DGKB: variants seen among roughly 807,000 people sequenced by gnomAD.
DGKB encodes the protein diacylglycerol kinase beta.
Under a neutral mutation model 114.3 loss-of-function variants are expected in DGKB, and 67 were observed. That is an observed-to-expected ratio of 0.59 (90% CI 0.48 to 0.72). The LOEUF is 0.72. DGKB is among the 30% of genes least tolerant of loss of function. The probability of loss-of-function intolerance (pLI) is 0.00; values close to 1 mark genes in which losing one functional copy is unlikely to be tolerated. For synonymous variants in DGKB, 398 were observed against 323.1 expected, an observed-to-expected ratio of 1.23 and a Z score of -2.49; for missense variants, 907 against 975.2, an observed-to-expected ratio of 0.93 and a Z score of 0.93.
intron 21 of DGKB, among the ~76,000 whole-genome samples, chr7:14,389,034 C>T (rs889439204): frequency 5.3e-5 from 8 of 151,980 alleles, no homozygotes; most frequent in African/African-American, 1.7e-4. Flanking sequence ...CCAGCTTGAA[C>T]AATAAATTAC....
At chr7:14,480,235 A>C (rs774405868) in intron 20 of DGKB, among the ~76,000 whole-genome samples, 15 of 152,088 alleles carry the variant, frequency 9.9e-5, no homozygotes, top group Non-Finnish European at 1.8e-4. Context: ...ACATAGCCAA[A>C]GATAGAACTA....
At chr7:14,611,998 A>G (rs1052192728) in intron 16 of DGKB, among the ~76,000 whole-genome samples, 1 of 151,714 alleles carries the variant, frequency 6.6e-6, no homozygotes, top group Non-Finnish European at 1.5e-5. Context: ...TAATTTCAGC[A>G]TTATTATTTA....
At chr7:14,575,183 C>A (rs1477567017) in intron 19 of DGKB, among the ~76,000 whole-genome samples, 3 of 152,120 alleles carry the variant, frequency 2.0e-5, no homozygotes, top group Non-Finnish European at 4.4e-5. Flanking sequence ...CTGGAAAGCA[C>A]CCTTTCAAAA....
At chr7:14,635,433 T>G (rs1287571053) in intron 13 of DGKB, among the ~76,000 whole-genome samples, 1 of 151,064 alleles carries the variant, frequency 6.6e-6, no homozygotes, top group Non-Finnish European at 1.5e-5. Flanking sequence ...CAGAGGAAGC[T>G]CTTAGAAGAA....
chr7:14,377,969 G>T (rs1395265435), intron 21 of DGKB, among the ~76,000 whole-genome samples: 3 of 152,108 alleles, frequency 2.0e-5, no homozygotes, highest in African/African-American at 2.4e-5. Context: ...AATCCACAAA[G>T]GATTTTTCCT....
chr7:14,215,636 T>A (rs963859668), intron 23 of DGKB, among the ~76,000 whole-genome samples: 2 of 152,140 alleles, frequency 1.3e-5, no homozygotes, highest in Admixed American at 6.6e-5. Context: ...ATTTTGCCGA[T>A]GAGGAAACCG....
intron 2 of DGKB, among the ~76,000 whole-genome samples, chr7:14,840,540 C>T (rs1847780999): frequency 6.6e-6 from 1 of 152,098 alleles, no homozygotes; most frequent in African/African-American, 2.4e-5. Flanking sequence ...CTTTTTAAAA[C>T]TTACAGTGAA....
chr7:14,279,852 C>T (rs1018702188), intron 23 of DGKB, among the ~76,000 whole-genome samples: 4 of 148,924 alleles, frequency 2.7e-5, no homozygotes, highest in East Asian at 4.1e-4. Context: ...AACAAAAACC[C>T]ATCTGTACAT....
At chr7:14,630,202 T>C in intron 14 of DGKB, 34 bp downstream of exon 14, 1 of 1,490,616 alleles carries the variant, frequency 6.7e-7, no homozygotes, top group Non-Finnish European at 9.0e-7. Flanking sequence ...TGACCTATAA[T>C]TTTAAGTGTG....
intron 21 of DGKB, among the ~76,000 whole-genome samples, chr7:14,393,008 T>TTTTTTTTTTTTTTTTTTTTTTTTTGTTGG (rs71033995): frequency 7.4e-6 from 1 of 134,840 alleles, no homozygotes. Flanking sequence ...TTTTTTTTTT[T>TTTTTTTTTTTTTTTTTTTTTTTTTGTTGG]GAGACGGAGT....
At chr7:14,488,953 A>C (rs7786503) in intron 20 of DGKB, among the ~76,000 whole-genome samples, 22,009 of 152,116 alleles carry the variant, frequency 0.14, 2,322 homozygotes, top group East Asian at 0.47. Context: ...GAAAATTGTA[A>C]AGAGCATACA....
chr7:14,355,890 G>A (rs1456138684), intron 21 of DGKB, among the ~76,000 whole-genome samples: 2 of 152,156 alleles, frequency 1.3e-5, no homozygotes, highest in East Asian at 1.9e-4. Context: ...GAATTCGGCT[G>A]TGAATCCAGC....
chr7:14,613,402 C>A lies in DGKB; in HGVS notation c.1296G>T (p.Val432=), dbSNP rs1805930344. The change falls in exon 16 of 26, where the codon GTG becomes GTT. Residue 432 remains valine, a synonymous_variant. Coordinates refer to ENST00000402815, the MANE Select transcript of DGKB (RefSeq NM_001350709.2). The part of the protein sequence containing the change: ...VDGQGLQVTP[V]PGTHPLLVFV... ...AAACTAAAAGTGGGTGAGTACCAGG[C>A]ACAGGAGTGACCTATAAGAAAAGTT... is the stretch of plus-strand genomic sequence containing the variant. 2 of 1,561,864 alleles carry A rather than the reference C, an allele frequency of 1.3e-6. No individual in the cohort carries two copies. The highest frequency in any genetic ancestry group is 2.4e-5 in the South Asian group (2 of 84,628).
At chr7:14,614,833 C>A (rs1399268811) in intron 15 of DGKB, among the ~76,000 whole-genome samples, 2 of 152,006 alleles carry the variant, frequency 1.3e-5, no homozygotes, top group Non-Finnish European at 2.9e-5. Flanking sequence ...TTCTTTCTTC[C>A]TAATTTGTCT....
intron 20 of DGKB, among the ~76,000 whole-genome samples, chr7:14,538,024 G>A (rs1220493654): frequency 6.9e-6 from 1 of 143,988 alleles, no homozygotes; most frequent in African/African-American, 2.6e-5. Flanking sequence ...AGTTTGTGGT[G>A]AGCTGAGATC....
At chr7:14,632,952 G>C (rs527717428) in intron 13 of DGKB, among the ~76,000 whole-genome samples, 163 of 151,906 alleles carry the variant, frequency 1.1e-3, no homozygotes, top group African/African-American at 3.8e-3. Context: ...AATACAAATA[G>C]GTAAAACAGG....
intron 21 of DGKB, among the ~76,000 whole-genome samples, chr7:14,383,522 C>A (rs1003054282): frequency 3.9e-4 from 60 of 152,080 alleles, no homozygotes; most frequent in Non-Finnish European, 1.2e-4. Context: ...CCAGTGTCAT[C>A]AGGGGCCCAG....
At position 14,478,208 on chromosome 7, in the gene DGKB, G is replaced by A; in HGVS notation, c.1788C>T (p.His596=). 6.2e-7 allele frequency: 1 copy of A among 1,600,124 alleles called. No homozygotes were observed. Among genetic ancestry groups the A allele is most frequent in the Non-Finnish European group, 8.5e-7 (1 of 1,171,652 alleles). The change falls in exon 21 of 26, where the codon CAC becomes CAT. Residue 596 remains histidine (H), a synonymous_variant. Coordinates refer to ENST00000402815, the MANE Select transcript of DGKB (RefSeq NM_001350709.2). ...FSIGVDASIA[H]RFHIMREKHP... is the part of the protein sequence containing the mutation. ...GTTTTTCTCTCATGATGTGGAATCT[G>A]TGTGCAATGGAGGCATCCTAAGGGG...
chr7:14,730,878 G>A (rs980116952), intron 5 of DGKB, among the ~76,000 whole-genome samples: 1 of 152,156 alleles, frequency 6.6e-6, no homozygotes, highest in Admixed American at 6.5e-5. Context: ...ATTAAAAAAT[G>A]CTCTGACAGT....
Sources: gnomAD v4.1 joint callset for allele counts (sites outside exome capture counted in the v4.1 genomes callset) on GRCh38, gnomAD v4.1.1 for gene constraint, MANE v1.5 for transcripts, NCBI Gene and HGNC (gene_info 2026-07-23, HGNC 2026-07-21) for gene names.